Variants in DIP2C observed in about 807,000 individuals in gnomAD.
The protein encoded by DIP2C is disco-interacting protein 2 homolog C.
A neutral mutation model predicts 192.4 loss-of-function variants in DIP2C; 33 were observed. The observed-to-expected ratio is 0.17, with a 90% CI of 0.13 to 0.23. DIP2C has a LOEUF of 0.23. DIP2C is among the 10% of genes least tolerant of loss of function. The probability of loss-of-function intolerance (pLI) is 1.00; values close to 1 mark genes in which losing one functional copy is unlikely to be tolerated. For synonymous variants in DIP2C, 979 were observed against 864.1 expected, an observed-to-expected ratio of 1.13 and a Z score of -2.33; for missense variants, 1,537 against 2,110.1, an observed-to-expected ratio of 0.73 and a Z score of 5.32.
At chr10:504,861 T>C (rs1267730177) in intron 1 of DIP2C, among the ~76,000 whole-genome samples, 1 of 152,190 alleles carries the variant, frequency 6.6e-6, no homozygotes, top group South Asian at 2.1e-4. Context: ...AACCCTCAGC[T>C]CCAGCGGTGC....
At chr10:321,152 G>A (rs1234048042) in intron 31 of DIP2C, among the ~76,000 whole-genome samples, 1 of 152,218 alleles carries the variant, frequency 6.6e-6, no homozygotes, top group Admixed American at 6.5e-5. Context: ...AACACCCAAT[G>A]TGTCTCTGTA....
chr10:533,675 T>TC (rs969850019), intron 1 of DIP2C, among the ~76,000 whole-genome samples: 3 of 144,594 alleles, frequency 2.1e-5, no homozygotes, highest in African/African-American at 5.1e-5. Context: ...GCCACGTACC[T>TC]CCCTCACAAC....
intron 3 of DIP2C, among the ~76,000 whole-genome samples, chr10:441,706 T>C (rs979262327): frequency 2.0e-5 from 3 of 152,210 alleles, no homozygotes; most frequent in East Asian, 1.9e-4. Context: ...CATGCGGAAC[T>C]GCAAGGCCAA....
intron 1 of DIP2C, among the ~76,000 whole-genome samples, chr10:674,360 CAA>C (rs1302918639): frequency 1.3e-5 from 2 of 151,884 alleles, no homozygotes; most frequent in African/African-American, 4.8e-5. Context: ...AAAAAGGAGA[CAA>C]AAAGGTAATT....
chr10:342,301 G>T (rs1287400421), intron 28 of DIP2C, among the ~76,000 whole-genome samples: 1 of 152,156 alleles, frequency 6.6e-6, no homozygotes, highest in Non-Finnish European at 1.5e-5. Flanking sequence ...TGGGGTTACA[G>T]GCGCCCGCCA....
intron 31 of DIP2C, among the ~76,000 whole-genome samples, chr10:314,331 A>G (rs1956684660): frequency 6.6e-6 from 1 of 152,166 alleles, no homozygotes; most frequent in Admixed American, 6.5e-5. Flanking sequence ...TGCTTGGTGC[A>G]GCCCTCCGTC....
intron 16 of DIP2C, among the ~76,000 whole-genome samples, chr10:383,263 T>C (rs538810856): frequency 6.6e-6 from 1 of 152,392 alleles, no homozygotes; most frequent in South Asian, 2.1e-4. Context: ...ATTCTATAAG[T>C]GAAGACTGTT....
chr10:559,246 C>T (rs1003700688), intron 1 of DIP2C, among the ~76,000 whole-genome samples: 10 of 151,796 alleles, frequency 6.6e-5, no homozygotes, highest in East Asian at 5.8e-4. Context: ...GCCCTCGATC[C>T]GGGACCACAG....
chr10:580,253 T>C (rs975663264), intron 1 of DIP2C, among the ~76,000 whole-genome samples: 12 of 152,088 alleles, frequency 7.9e-5, no homozygotes, highest in African/African-American at 2.9e-4. Flanking sequence ...ATGTGTAAAG[T>C]ATGTACATAT....
chr10:433,915 T>C (rs1966968451), intron 4 of DIP2C, among the ~76,000 whole-genome samples: 1 of 152,190 alleles, frequency 6.6e-6, no homozygotes, highest in Non-Finnish European at 1.5e-5. Context: ...TTCTTTCTTC[T>C]TGTGGTCTTA....
intron 32 of DIP2C, among the ~76,000 whole-genome samples, chr10:302,897 A>C (rs1011648305): frequency 6.6e-6 from 1 of 152,200 alleles, no homozygotes; most frequent in Non-Finnish European, 1.5e-5. Flanking sequence ...ACATCACTGC[A>C]CGTGGCTGTA....
chr10:391,626 G>A (rs1014603003), intron 10 of DIP2C, among the ~76,000 whole-genome samples: 3 of 152,198 alleles, frequency 2.0e-5, no homozygotes, highest in East Asian at 3.8e-4. Context: ...CAGCTGTGTG[G>A]GTTTTCCATT....
intron 1 of DIP2C, among the ~76,000 whole-genome samples, chr10:500,106 A>G (rs1053078145): frequency 6.6e-6 from 1 of 152,240 alleles, no homozygotes; most frequent in Non-Finnish European, 1.5e-5. Context: ...AAGCCTTCAC[A>G]GCAGATGTGG....
chr10:459,726 C>G (rs1335316600), intron 3 of DIP2C, among the ~76,000 whole-genome samples: 1 of 148,900 alleles, frequency 6.7e-6, no homozygotes, highest in African/African-American at 2.5e-5. Context: ...CATCAGGGAA[C>G]GGCGTGCTGC....
chr10:358,558 C>G (rs1404709821), intron 22 of DIP2C, among the ~76,000 whole-genome samples: 1 of 93,718 alleles, frequency 1.1e-5, no homozygotes, highest in Non-Finnish European at 2.1e-5. Context: ...TATCCATGAG[C>G]GATGAGATGA....
chr10:491,883 G>C (rs1264609975), intron 1 of DIP2C, among the ~76,000 whole-genome samples: 1 of 152,166 alleles, frequency 6.6e-6, no homozygotes, highest in Non-Finnish European at 1.5e-5. Context: ...GCCCCGTCAG[G>C]GGAGGGAGGC....
intron 1 of DIP2C, among the ~76,000 whole-genome samples, chr10:487,033 A>G (rs1235549571): frequency 6.6e-6 from 1 of 152,264 alleles, no homozygotes; most frequent in Non-Finnish European, 1.5e-5. Flanking sequence ...TAAGGGAAGA[A>G]GCAAAAGGTG....
intron 3 of DIP2C, among the ~76,000 whole-genome samples, chr10:450,767 T>TAA (rs764551712): frequency 5.9e-5 from 9 of 152,128 alleles, no homozygotes; most frequent in Non-Finnish European, 1.0e-4. Context: ...GAAACACTGA[T>TAA]AATTGCAGGC....
At chr10:596,497 A>C (rs948863847) in intron 1 of DIP2C, among the ~76,000 whole-genome samples, 1 of 25,340 alleles carries the variant, frequency 3.9e-5, no homozygotes, top group East Asian at 5.9e-4. Context: ...ACTCCATCTC[A>C]AAAAAAAAAA....
Sources: allele counts gnomAD v4.1 joint callset (sites outside exome capture counted in the v4.1 genomes callset), GRCh38; gene constraint gnomAD v4.1.1; transcripts MANE v1.5; gene names NCBI Gene and HGNC (gene_info 2026-07-23, HGNC 2026-07-21).